ZPBP: variants seen among roughly 807,000 people sequenced by gnomAD.
ZPBP encodes the protein zona pellucida binding protein, also known as zona pellucida-binding protein 1.
A neutral mutation model predicts 44.8 loss-of-function variants in ZPBP; 26 were observed. The observed-to-expected ratio is 0.58, with a 90% CI of 0.43 to 0.81. ZPBP has a LOEUF of 0.81. ZPBP is among the 30% of genes least tolerant of loss of function. The pLI, the probability that ZPBP is intolerant of heterozygous loss-of-function variation, is 0.00. For missense variants in ZPBP, 409 were observed against 434.0 expected, an observed-to-expected ratio of 0.94 and a Z score of 0.51; for synonymous variants, 174 against 153.2, an observed-to-expected ratio of 1.14 and a Z score of -1.00.
At chr7:50,054,824 CTA>C (rs1454086355) in intron 4 of ZPBP, among the ~76,000 whole-genome samples, 1 of 151,952 alleles carries the variant, frequency 6.6e-6, no homozygotes, top group Admixed American at 6.6e-5. Context: ...ATCTACATAG[CTA>C]TATATCTCTC....
At chr7:49,841,509 T>C in the ZPBP span, among the ~76,000 whole-genome samples, 1 of 152,218 alleles carries the variant, frequency 6.6e-6, no homozygotes, top group East Asian at 1.9e-4. Context: ...AGTCTTTCTT[T>C]TGGAAGTTTC....
At chr7:50,072,298 G>A (rs919595682) in intron 3 of ZPBP, among the ~76,000 whole-genome samples, 3 of 152,216 alleles carry the variant, frequency 2.0e-5, no homozygotes, top group African/African-American at 4.8e-5. Context: ...ATGGGAAGGA[G>A]TGTGTCTTTT....
intron 2 of ZPBP, among the ~76,000 whole-genome samples, chr7:49,900,095 G>A (rs1430758104): frequency 6.6e-6 from 1 of 151,308 alleles, no homozygotes; most frequent in African/African-American, 2.4e-5. Context: ...AGTCTCAAGA[G>A]AAGTTTAAAA....
intron 3 of ZPBP, among the ~76,000 whole-genome samples, chr7:50,060,426 G>C (rs764094743): frequency 2.6e-5 from 4 of 151,760 alleles, no homozygotes; most frequent in Non-Finnish European, 5.9e-5. Flanking sequence ...TGGACTAATA[G>C]AGCAAAAAAA....
intron 2 of ZPBP, among the ~76,000 whole-genome samples, chr7:49,898,338 C>G (rs551570158): frequency 3.3e-4 from 50 of 151,444 alleles, no homozygotes; most frequent in Non-Finnish European, 6.0e-4. Flanking sequence ...AAAACCTTCA[C>G]TTATTCTTTC....
intron 4 of ZPBP, among the ~76,000 whole-genome samples, chr7:50,051,966 A>ATT (rs34850707): frequency 4.6e-5 from 7 of 151,498 alleles, no homozygotes; most frequent in Non-Finnish European, 8.8e-5. Flanking sequence ...AATGAAAATA[A>ATT]TTTTTTTTTA....
In ZPBP at chr7:49,855,306, T is replaced by C. The variant is rs537042917; in HGVS notation, n.510-4792A>G. On this transcript the variant is annotated intron_variant and non_coding_transcript_variant, in intron 2 of 2. Coordinates refer to the ZPBP transcript ENST00000465922. ...CGGTGTAGTCTCTTTCTTAGTGAAG[T>C]TTCATGATCTTCCTTATGATCACTG... Among the ~76,000 whole-genome samples, 481 of 152,132 alleles carry C rather than the reference T, an allele frequency of 3.2e-3. 1 individual carries two copies. The highest frequency in any genetic ancestry group is 4.0e-3 in the Non-Finnish European group (275 of 67,986).
chr7:49,969,814 T>TAGAGAG (rs1360120043), intron 7 of ZPBP, among the ~76,000 whole-genome samples: 1 of 117,266 alleles, frequency 8.5e-6, no homozygotes, highest in East Asian at 3.7e-4. Flanking sequence ...TATATATATA[T>TAGAGAG]ATATAGAGAG....
At chr7:50,092,933 C>A (rs1803065346) in intron 1 of ZPBP, 135 bp downstream of exon 1, 2 of 1,311,632 alleles carry the variant, frequency 1.5e-6, no homozygotes, top group Non-Finnish European at 2.0e-6. Context: ...AAAAAATAAG[C>A]CTTTCTTGTC....
chr7:49,990,905 G>A (rs1797541773), intron 6 of ZPBP, among the ~76,000 whole-genome samples: 1 of 152,082 alleles, frequency 6.6e-6, no homozygotes, highest in African/African-American at 2.4e-5. Context: ...TAACAAGAAG[G>A]CAGCAACTAG....
intron 4 of ZPBP, among the ~76,000 whole-genome samples, chr7:50,046,339 C>G (rs12718234): frequency 0.49 from 74,757 of 151,848 alleles, 19,061 homozygotes; most frequent in East Asian, 0.67. Context: ...GCAAAATAAA[C>G]TATCATCAGA....
intron 1 of ZPBP, among the ~76,000 whole-genome samples, chr7:49,932,030 TTGGGAA>T (rs1794463792): frequency 6.6e-6 from 1 of 152,224 alleles, no homozygotes; most frequent in Non-Finnish European, 1.5e-5. Context: ...GAACTGAGGT[TTGGGAA>T]CCTCCGCCTA....
chr7:49,961,311 C>T (rs1795853312), intron 7 of ZPBP, among the ~76,000 whole-genome samples: 3 of 152,064 alleles, frequency 2.0e-5, no homozygotes, highest in Admixed American at 1.3e-4. Context: ...TTAATACATT[C>T]AACAAAATGG....
chr7:49,935,010 C>CT (rs1583868457), downstream of ZPBP, among the ~76,000 whole-genome samples: 1 of 152,116 alleles, frequency 6.6e-6, no homozygotes, highest in South Asian at 2.1e-4. Flanking sequence ...CTTGAAACTG[C>CT]TTTATGACAA....
chr7:50,021,265 GA>G (rs1241789899), intron 5 of ZPBP, among the ~76,000 whole-genome samples: 1 of 151,918 alleles, frequency 6.6e-6, no homozygotes, highest in Non-Finnish European at 1.5e-5. Flanking sequence ...AGAAAACCAT[GA>G]ACAAAGAACT....
chr7:49,915,140 G>A (rs566698440), intron 1 of ZPBP: 1 of 152,240 alleles, frequency 6.6e-6, no homozygotes, highest in East Asian at 1.9e-4. Context: ...TTGTTGGGTG[G>A]ATTAACAATA....
intron 4 of ZPBP, among the ~76,000 whole-genome samples, chr7:50,050,788 C>CAAA (rs751875216): frequency 0.02 from 529 of 26,794 alleles, 72 homozygotes; most frequent in African/African-American, 0.057. Flanking sequence ...GACTCCGTCT[C>CAAA]AAAAAAAAAA....
At chr7:49,941,386 G>A (rs1794878381) in intron 7 of ZPBP, among the ~76,000 whole-genome samples, 1 of 152,064 alleles carries the variant, frequency 6.6e-6, no homozygotes, top group Non-Finnish European at 1.5e-5. Context: ...GCCAAAAGGT[G>A]GAAACAACTC....
At chr7:49,967,681 G>A (rs2128767927) in intron 7 of ZPBP, among the ~76,000 whole-genome samples, 1 of 152,182 alleles carries the variant, frequency 6.6e-6, no homozygotes, top group Non-Finnish European at 1.5e-5. Flanking sequence ...TGACTAGCTG[G>A]GATTACAGGC....
Sources: allele counts gnomAD v4.1 joint callset (sites outside exome capture counted in the v4.1 genomes callset), GRCh38; gene constraint gnomAD v4.1.1; transcripts MANE v1.5; gene names NCBI Gene and HGNC (gene_info 2026-07-23, HGNC 2026-07-21).